CUX2: variants seen among roughly 807,000 people sequenced by gnomAD.
CUX2 encodes the protein homeobox protein cut-like 2.
Under a neutral mutation model 144.8 loss-of-function variants are expected in CUX2, and 40 were observed. The observed-to-expected ratio is 0.28, with a 90% CI of 0.21 to 0.36. The LOEUF (loss-of-function observed/expected upper bound fraction) is 0.36, where lower values mean the gene tolerates loss of function less well. Ranked by LOEUF, CUX2 falls within the 10% of genes least tolerant of loss-of-function variation. The pLI is 1.00. For synonymous variants in CUX2, 827 were observed against 875.6 expected, an observed-to-expected ratio of 0.94 and a Z score of 0.98; for missense variants, 1,615 against 1,994.0, an observed-to-expected ratio of 0.81 and a Z score of 3.62.
chr12:111,175,962 C>T (rs560174057), intron 1 of CUX2, among the ~76,000 whole-genome samples: 76 of 143,742 alleles, frequency 5.3e-4, no homozygotes, highest in African/African-American at 1.8e-3. Context: ...GTGGCAGGGG[C>T]GGGAAGGCAG....
chr12:111,180,190 G>A (rs1168294403), intron 1 of CUX2, among the ~76,000 whole-genome samples: 1 of 148,736 alleles, frequency 6.7e-6, no homozygotes, highest in African/African-American at 2.5e-5. Context: ...AGGAGTCTTC[G>A]GGAACCCTCC....
intron 1 of CUX2, among the ~76,000 whole-genome samples, chr12:111,155,108 C>A (rs1419772243): frequency 6.6e-6 from 1 of 152,154 alleles, no homozygotes; most frequent in Non-Finnish European, 1.5e-5. Context: ...TGTCAGTGGG[C>A]CTGACTTCAA....
rs1023531932 is a variant in CUX2, at chr12:111,320,014, G to A, written c.2005G>A (p.Glu669Lys). The A allele has an allele frequency of 1.5e-5, 22 of 1,515,274 alleles. No homozygotes were observed. Among genetic ancestry groups the A allele is most frequent in the Non-Finnish European group, 1.9e-5 (22 of 1,138,242 alleles). The allele number at this position is 1,515,274 out of a possible 1,614,324, so 93.9% of individuals were successfully genotyped here. Reference protein sequence around the residue: ...KKEIESQKGGEPKTSVAPLSI... With the variant: ...KKEIESQKGGKPKTSVAPLSI... ...CCGTCCTGTCCCCCTCCCCGCAGGC[G>A]AGCCCAAGACCTCGGTGGCCCCGCT... The change falls in exon 17 of 22, where the codon GAG (glutamate) becomes AAG (lysine). Residue 669 changes from glutamate (E) to lysine (K), a missense_variant and splice_region_variant. By Grantham distance (56) the Glu-to-Lys change is moderately conservative. Around this residue, in one of 12 missense-constraint regions of CUX2, gnomAD observed 390 missense variants for 387.1 expected, o/e 1.01. Coordinates refer to ENST00000261726, the MANE Select transcript of CUX2 (RefSeq NM_015267.4). The surrounding 1 kb of genome is among the most constrained non-coding windows in gnomAD (Gnocchi z 8.1).
chr12:111,158,118 G>A (rs1262316545), intron 1 of CUX2, among the ~76,000 whole-genome samples: 3 of 152,096 alleles, frequency 2.0e-5, no homozygotes, highest in Admixed American at 1.3e-4. Flanking sequence ...ACGATGGAAC[G>A]GATAATAGAA....
intron 1 of CUX2, among the ~76,000 whole-genome samples, chr12:111,122,739 T>C (rs1874767696): frequency 6.6e-6 from 1 of 152,192 alleles, no homozygotes; most frequent in African/African-American, 2.4e-5. Context: ...CAATAAATAA[T>C]GTCCAGAGAG....
At chr12:111,251,779 C>T (rs1326284884) in intron 3 of CUX2, among the ~76,000 whole-genome samples, 3 of 152,052 alleles carry the variant, frequency 2.0e-5, no homozygotes, top group Non-Finnish European at 4.4e-5. Flanking sequence ...GGTGGGCTTC[C>T]TAGGTCTTGC....
chr12:111,182,675 G>A (rs534193454), intron 1 of CUX2, among the ~76,000 whole-genome samples: 6 of 152,340 alleles, frequency 3.9e-5, no homozygotes, highest in African/African-American at 1.4e-4. Flanking sequence ...GATGGAGAAG[G>A]AGGAGGAGGC....
rs1204030063 is a variant in CUX2, at chr12:111,068,542, GGACCCAGGAGCGCATCCA to G, written c.63+34303_63+34320del. 1.3e-5 allele frequency among the ~76,000 whole-genome samples: 2 copies of G among 152,160 alleles called. No individual in the cohort carries two copies. Among genetic ancestry groups the G allele is most frequent in the Non-Finnish European group, 2.9e-5 (2 of 68,034 alleles). On this transcript the variant is annotated intron_variant, in intron 1 of 21. Coordinates refer to ENST00000261726, the MANE Select transcript of CUX2 (RefSeq NM_015267.4). This position sits in a 1 kb window ranked among gnomAD's most constrained non-coding sequence, Gnocchi z 4.9. ...TCAGCCCAAACTCTGGGCTCTCCGG[GGACCCAGGAGCGCATCCA>G]TTTTCTGAGGAGATGAAAAGCGATG...
At position 111,268,212 on chromosome 12, in the gene CUX2, T is replaced by G. The variant is rs1036900518; in HGVS notation, c.301+4373T>G. Among the ~76,000 whole-genome samples the G allele has an allele frequency of 7.0e-4, 52 of 73,786 alleles. 1 individual carries two copies. Among genetic ancestry groups the G allele is most frequent in the Admixed American group, 6.3e-4 (5 of 7,976 alleles). The allele number at this position is 73,786 out of a possible 152,430, so 48.4% of individuals were successfully genotyped here. ...GCAAAGACACTTTGGTTTTTGTTTG[T>G]TTTTTGTTTTTTGTTTTTTGTTTTT... On this transcript the variant is annotated intron_variant, in intron 4 of 21. Coordinates refer to ENST00000261726, the MANE Select transcript of CUX2 (RefSeq NM_015267.4).
intron 3 of CUX2, among the ~76,000 whole-genome samples, chr12:111,244,907 T>A (rs1043219072): frequency 6.6e-6 from 1 of 152,206 alleles, no homozygotes; most frequent in African/African-American, 2.4e-5. Context: ...CACACATGAT[T>A]ATTTCCATGC....
At chr12:111,297,779 A>G (rs917864842) in intron 8 of CUX2, among the ~76,000 whole-genome samples, 4 of 152,192 alleles carry the variant, frequency 2.6e-5, no homozygotes, top group Non-Finnish European at 4.4e-5. Context: ...GCAGTGATAC[A>G]TTTGTTCATT....
intron 4 of CUX2, among the ~76,000 whole-genome samples, 192 bp from the exon 5 acceptor site, chr12:111,291,226 A>G (rs1885662585): frequency 1.3e-5 from 2 of 152,158 alleles, no homozygotes; most frequent in South Asian, 4.1e-4. Context: ...TACCCTGGAG[A>G]TAGCAGGTGC....
rs1869639732 is a variant in CUX2 at position 111,039,599 on chromosome 12, T to G, written c.63+5359T>G. Among the ~76,000 whole-genome samples the G allele has an allele frequency of 6.6e-6, 1 of 152,152 alleles. No homozygotes were observed. The highest frequency in any genetic ancestry group is 1.5e-5 in the Non-Finnish European group (1 of 68,022). The stretch of plus-strand genomic sequence containing the variant: ...TCTCGCTCTGCCACCCAGGCTGGAG[T>G]GCAGTGGTGCAATCTCAGCTCACTG... On this transcript the variant is annotated intron_variant, in intron 1 of 21. Coordinates refer to ENST00000261726, the MANE Select transcript of CUX2 (RefSeq NM_015267.4). This position sits in a 1 kb window ranked among gnomAD's most constrained non-coding sequence, Gnocchi z 4.2.
Position 111,289,259 on chromosome 12 carries a change from G to A in CUX2, c.302-2159G>A, listed in dbSNP as rs1885554580. ...GACCCTGGCTTTCCTGGGTGCCATG[G>A]ACACCATCTGCACCTGCTGGGGCTG... On this transcript the variant is annotated intron_variant, in intron 4 of 21. Coordinates refer to ENST00000261726, the MANE Select transcript of CUX2 (RefSeq NM_015267.4). This position sits in a 1 kb window ranked among gnomAD's most constrained non-coding sequence, Gnocchi z 4.1. 1.3e-5 allele frequency among the ~76,000 whole-genome samples: 2 copies of A among 152,174 alleles called. No homozygotes were observed. The highest frequency in any genetic ancestry group is 4.1e-4 in the South Asian group (2 of 4,826).
chr12:111,308,193 C>A, intron 12 of CUX2, 92 bp from the exon 13 acceptor site: 1 of 1,389,654 alleles, frequency 7.2e-7, no homozygotes. Context: ...CAGTCATTGT[C>A]AGGGAGGTAA....
In CUX2 at chr12:111,320,402, G is replaced by A. The variant is rs753893304; in HGVS notation, c.2393G>A (p.Arg798His). 7.5e-6 allele frequency: 12 copies of A among 1,597,732 alleles called. No individual in the cohort carries two copies. Among genetic ancestry groups the A allele is most frequent in the East Asian group, 2.2e-5 (1 of 44,832 alleles). ...GCCTCCGACCGCGGCCTGCTCAGCC[G>A]CCCCTACGCCTCCGTGTCGCCCTCG... is the stretch of plus-strand genomic sequence containing the variant. Reference protein sequence around the residue: ...HWASDRGLLSRPYASVSPSLS... With the variant: ...HWASDRGLLSHPYASVSPSLS... Residue 798 changes from arginine (R) to histidine (H), a missense_variant, in exon 17 of 22, where the codon CGC becomes CAC. Coordinates refer to ENST00000261726, the MANE Select transcript of CUX2 (RefSeq NM_015267.4). This position sits in a 1 kb window ranked among gnomAD's most constrained non-coding sequence, Gnocchi z 8.1.
At chr12:111,086,323 T>C (rs1471505993) in intron 1 of CUX2, among the ~76,000 whole-genome samples, 1 of 152,238 alleles carries the variant, frequency 6.6e-6, no homozygotes, top group East Asian at 1.9e-4. Flanking sequence ...CAACTGGAAC[T>C]GTGTAGCCTG....
At position 111,178,347 on chromosome 12, in the gene CUX2, T is replaced by C. The variant is rs1207430319; in HGVS notation, c.64-35853T>C. On this transcript the variant is annotated intron_variant, in intron 1 of 21. Transcript: ENST00000261726. The surrounding 1 kb of genome is among the most constrained non-coding windows in gnomAD (Gnocchi z 5.7). ...TCTCTGTATGAGAGACCCTAGTACA[T>C]ATCTGTATTTTGGGCAGACAGCCCT... 1.3e-5 allele frequency among the ~76,000 whole-genome samples: 2 copies of C among 152,208 alleles called. No individual in the cohort carries two copies. The highest frequency in any genetic ancestry group is 1.5e-5 in the Non-Finnish European group (1 of 68,042).
At chr12:111,183,496 G>T (rs974185513) in intron 1 of CUX2, among the ~76,000 whole-genome samples, 1 of 152,242 alleles carries the variant, frequency 6.6e-6, no homozygotes, top group East Asian at 1.9e-4. Flanking sequence ...GCAGGGTGAG[G>T]TTGTTGTTTA....
Sources: allele counts gnomAD v4.1 joint callset (sites outside exome capture counted in the v4.1 genomes callset), GRCh38; gene constraint gnomAD v4.1.1; regional missense constraint gnomAD v4.1.1; non-coding constraint Gnocchi (gnomAD v3.1); transcripts MANE v1.5; gene names NCBI Gene and HGNC (gene_info 2026-07-23, HGNC 2026-07-21).